The following ANKS1A variants were observed in gnomAD, a reference collection of about 807,000 sequenced individuals.
ANKS1A encodes the protein ankyrin repeat and SAM domain-containing protein 1A.
Under a neutral mutation model 120.3 loss-of-function variants are expected in ANKS1A, and 55 were observed. The observed-to-expected ratio is 0.46, with a 90% confidence interval of 0.37 to 0.57. The LOEUF (loss-of-function observed/expected upper bound fraction) is 0.57, where lower values mean the gene tolerates loss of function less well. Ranked by LOEUF, ANKS1A falls within the 20% of genes least tolerant of loss-of-function variation. The probability of loss-of-function intolerance (pLI) is 0.00; values close to 1 mark genes in which losing one functional copy is unlikely to be tolerated. For missense variants in ANKS1A, 1,123 were observed against 1,480.3 expected (o/e 0.76, Z 3.96); for synonymous variants, 590 against 604.7 (o/e 0.98, Z 0.36).
At chr6:35,011,000 C>G (rs921261545) in intron 10 of ANKS1A, among the ~76,000 whole-genome samples, 11 of 152,166 alleles carry the variant, frequency 7.2e-5, no homozygotes, top group African/African-American at 2.7e-4. Context: ...AATTATTGCT[C>G]TAGCACTTAC....
At chr6:35,015,273 G>C (rs1250181759) in intron 10 of ANKS1A, among the ~76,000 whole-genome samples, 1 of 152,206 alleles carries the variant, frequency 6.6e-6, no homozygotes, top group Non-Finnish European at 1.5e-5. Flanking sequence ...AAGGCAGGCA[G>C]ATCACTTGAG....
chr6:35,022,847 C>T (rs987697621), intron 11 of ANKS1A, among the ~76,000 whole-genome samples: 1 of 152,152 alleles, frequency 6.6e-6, no homozygotes, highest in South Asian at 2.1e-4. Flanking sequence ...AATAACTGCA[C>T]GTTGTGGATA....
At position 35,017,373 on chromosome 6, in the gene ANKS1A, TG is replaced by T. The variant is rs1242558290; in HGVS notation, c.1424-99del. 6 of 1,260,386 alleles carry T rather than the reference TG, an allele frequency of 4.8e-6. No homozygotes were observed. The East Asian group carries it at 1.2e-4, about 26-fold the overall frequency. 78.1% of individuals were successfully genotyped at this position (1,260,386 alleles called of 1,614,324 possible). On this transcript the variant is annotated intron_variant, in intron 10 of 23. Transcript: ENST00000360359. The stretch of plus-strand genomic sequence containing the variant: ...TATCCAGTTTCTCTCTCTGTTTCTC[TG>T]TGAATTCCTCTGCTTTGCCATATGC...
At chr6:34,916,085 C>G (rs569231488) in intron 1 of ANKS1A, among the ~76,000 whole-genome samples, 1 of 151,312 alleles carries the variant, frequency 6.6e-6, no homozygotes, top group East Asian at 2.0e-4. Flanking sequence ...CTCCACCTCC[C>G]GGGTACAAGC....
intron 1 of ANKS1A, among the ~76,000 whole-genome samples, chr6:34,918,261 G>C (rs1342471761): frequency 1.3e-5 from 2 of 152,178 alleles, no homozygotes; most frequent in Non-Finnish European, 2.9e-5. Flanking sequence ...TAGTGGTTCG[G>C]AGTATGGTTT....
At position 35,086,392 on chromosome 6, in the gene ANKS1A, G is replaced by A. The variant is rs1363301849; in HGVS notation, c.3303+456G>A. 3 of 1,289,716 alleles carry A rather than the reference G, an allele frequency of 2.3e-6. No homozygotes were observed. The highest frequency in any genetic ancestry group is 2.1e-4 in the Middle Eastern group (1 of 4,708). The allele number at this position is 1,289,716 out of a possible 1,614,324, so 79.9% of individuals were successfully genotyped here. Reference sequence around the variant, plus strand: ...AGGTCTTTACGCCTCCTGCTGTCTTGTGTGTCAGTCTCCCCGAAGTGACCG... The same window carrying A: ...AGGTCTTTACGCCTCCTGCTGTCTTATGTGTCAGTCTCCCCGAAGTGACCG... On this transcript the variant is annotated intron_variant, in intron 22 of 23. Coordinates refer to ENST00000360359, the MANE Select transcript of ANKS1A (RefSeq NM_015245.3). The surrounding 1 kb of genome is among the most constrained non-coding windows in gnomAD (Gnocchi z 5.1).
In ANKS1A at chr6:35,089,346, T is replaced by C; in HGVS notation, c.*737T>C. 1.0e-6 allele frequency: 1 copy of C among 986,918 alleles called. No individual in the cohort carries two copies. The highest frequency in any genetic ancestry group is 1.2e-6 in the Non-Finnish European group (1 of 830,734). 61.1% of individuals were successfully genotyped at this position (986,918 alleles called of 1,614,324 possible). On this transcript the variant is annotated 3_prime_UTR_variant, in exon 24 of 24. Transcript: ENST00000360359. ...TGCAGTTTCTAGTGCTGGGAAGTCT[T>C]AGCCAGCACCAGAGCGCCAGGCCTC...
chr6:35,068,554 T>C (rs370474868), intron 13 of ANKS1A, among the ~76,000 whole-genome samples: 218 of 152,314 alleles, frequency 1.4e-3, no homozygotes, highest in African/African-American at 4.9e-3. Flanking sequence ...AATCTGCCCT[T>C]GTGGCCTAAT....
rs1389921640 is a variant in ANKS1A, at chr6:34,976,145, A to AAAAAAAAAG, written c.436-5539_436-5538insAAGAAAAAA. On this transcript the variant is annotated intron_variant, in intron 3 of 23. Coordinates refer to ENST00000360359, the MANE Select transcript of ANKS1A (RefSeq NM_015245.3). The stretch of plus-strand genomic sequence containing the variant: ...AGAGGAGACTCCATCTCAAAAAAAA[A>AAAAAAAAAG]AAAAAAGAAAAGAAAAACTGATCTG... Among the ~76,000 whole-genome samples the AAAAAAAAAG allele has an allele frequency of 1.1e-4, 16 of 150,874 alleles. 1 individual carries two copies. The highest frequency in any genetic ancestry group is 6.0e-4 in the Admixed American group (9 of 15,112).
At chr6:34,963,158 G>A (rs1484047780) in intron 1 of ANKS1A, among the ~76,000 whole-genome samples, 1 of 152,004 alleles carries the variant, frequency 6.6e-6, no homozygotes, top group Non-Finnish European at 1.5e-5. Flanking sequence ...CACCACACCC[G>A]GCTGCGATTT....
chr6:34,926,583 AAGAC>A (rs1768728699), intron 1 of ANKS1A, among the ~76,000 whole-genome samples: 2 of 152,188 alleles, frequency 1.3e-5, no homozygotes, highest in Non-Finnish European at 2.9e-5. Context: ...TATGCAGACA[AAGAC>A]AGACAAAGTG....
At chr6:34,990,509 T>A (rs1238871591) in intron 9 of ANKS1A, among the ~76,000 whole-genome samples, 2 of 127,482 alleles carry the variant, frequency 1.6e-5, no homozygotes, top group South Asian at 2.5e-4. Context: ...TTTTTTTTTT[T>A]AACAAGGAGA....
At chr6:35,034,656 C>T (rs182353481) in intron 11 of ANKS1A, among the ~76,000 whole-genome samples, 54 of 152,212 alleles carry the variant, frequency 3.5e-4, no homozygotes, top group African/African-American at 1.3e-3. Context: ...TTACTCAGGC[C>T]GGTATCATTG....
At chr6:34,942,516 T>A (rs546689418) in intron 1 of ANKS1A, among the ~76,000 whole-genome samples, 1 of 152,338 alleles carries the variant, frequency 6.6e-6, no homozygotes, top group Non-Finnish European at 1.5e-5. Flanking sequence ...AACAGTTTCT[T>A]TGAGCTCTGT....
intron 1 of ANKS1A, among the ~76,000 whole-genome samples, chr6:34,907,841 G>A (rs1323228258): frequency 6.6e-6 from 1 of 152,066 alleles, no homozygotes; most frequent in Non-Finnish European, 1.5e-5. Context: ...TATAATAATA[G>A]AACTTCTCAT....
At position 35,088,697 on chromosome 6, in the gene ANKS1A, C is replaced by T. The variant is rs1383647557; in HGVS notation, c.*88C>T. On this transcript the variant is annotated 3_prime_UTR_variant, in exon 24 of 24. Transcript: ENST00000360359. The stretch of plus-strand genomic sequence containing the variant: ...ACCACCGCCATCGCCTCACCTGCAG[C>T]TCTGAAGACCCAGGCCTCACCTCCG... 1.1e-5 allele frequency: 18 copies of T among 1,612,790 alleles called. No homozygotes were observed. The highest frequency in any genetic ancestry group is 1.5e-5 in the Non-Finnish European group (18 of 1,179,388).
intron 1 of ANKS1A, among the ~76,000 whole-genome samples, chr6:34,910,517 C>T (rs1049137736): frequency 5.9e-5 from 9 of 152,112 alleles, no homozygotes; most frequent in African/African-American, 2.2e-4. Flanking sequence ...GCTGTGATCA[C>T]ACTACTACTA....
At chr6:34,894,747 G>T (rs1245968374) in intron 1 of ANKS1A, among the ~76,000 whole-genome samples, 2 of 152,178 alleles carry the variant, frequency 1.3e-5, no homozygotes, top group African/African-American at 4.8e-5. Flanking sequence ...TGATGTATAT[G>T]AATGGAAAAG....
intron 11 of ANKS1A, among the ~76,000 whole-genome samples, chr6:35,034,989 G>T (rs1173991656): frequency 3.3e-5 from 5 of 152,236 alleles, no homozygotes; most frequent in Admixed American, 3.3e-4. Context: ...ATAGCCTGTG[G>T]GACTCATTAC....
Sources: allele counts gnomAD v4.1 joint callset (sites outside exome capture counted in the v4.1 genomes callset), GRCh38; gene constraint gnomAD v4.1.1; non-coding constraint Gnocchi (gnomAD v3.1); transcripts MANE v1.5; gene names NCBI Gene and HGNC (gene_info 2026-07-23, HGNC 2026-07-21).